The following PTPRR variants were observed in gnomAD, a reference collection of about 807,000 sequenced individuals.
PTPRR encodes the protein protein tyrosine phosphatase receptor type R.
Under a neutral mutation model 77.2 loss-of-function variants are expected in PTPRR, and 38 were observed. That is an observed-to-expected ratio of 0.49 (90% CI 0.38 to 0.65). The LOEUF is 0.65. Ranked by LOEUF, PTPRR falls within the 30% of genes least tolerant of loss-of-function variation. The probability of loss-of-function intolerance (pLI) is 0.00; values close to 1 mark genes in which losing one functional copy is unlikely to be tolerated. For missense variants in PTPRR, 744 were observed against 799.2 expected, an observed-to-expected ratio of 0.93 and a Z score of 0.83; for synonymous variants, 299 against 283.1, an observed-to-expected ratio of 1.06 and a Z score of -0.57.
chr12:70,642,736 C>T (rs1886052107), intron 13 of PTPRR, among the ~76,000 whole-genome samples: 1 of 152,124 alleles, frequency 6.6e-6, no homozygotes, highest in Non-Finnish European at 1.5e-5. Flanking sequence ...AAACTCTAGG[C>T]TAAAAGAAAG....
At chr12:70,897,330 A>G (rs1170386187) in intron 1 of PTPRR, among the ~76,000 whole-genome samples, 1 of 152,080 alleles carries the variant, frequency 6.6e-6, no homozygotes, top group Non-Finnish European at 1.5e-5. Flanking sequence ...CAACCCCATC[A>G]AAAAGGAGGC....
intron 1 of PTPRR, among the ~76,000 whole-genome samples, chr12:70,896,982 G>T (rs1592821606): frequency 6.6e-6 from 1 of 151,750 alleles, no homozygotes; most frequent in African/African-American, 2.4e-5. Flanking sequence ...TCTCTGTTTT[G>T]GTACCAGTAC....
At chr12:70,677,258 T>C (rs1186325020) in intron 10 of PTPRR, among the ~76,000 whole-genome samples, 2 of 152,200 alleles carry the variant, frequency 1.3e-5, no homozygotes, top group African/African-American at 2.4e-5. Flanking sequence ...GATTTTTGAA[T>C]GTTAAATCTG....
intron 10 of PTPRR, among the ~76,000 whole-genome samples, chr12:70,680,981 C>T (rs944451704): frequency 1.3e-5 from 2 of 151,756 alleles, no homozygotes; most frequent in Admixed American, 6.6e-5. Flanking sequence ...GGTTTCTCTG[C>T]TGATCAAGAT....
chr12:70,715,711 C>T (rs1315394737), intron 6 of PTPRR, among the ~76,000 whole-genome samples: 8 of 152,194 alleles, frequency 5.3e-5, no homozygotes, highest in African/African-American at 9.6e-5. Context: ...CTGCTCCGCC[C>T]GGCTCACTGG....
Position 70,892,804 on chromosome 12 carries a change from G to A in PTPRR, c.232C>T (p.His78Tyr). ...SSSEAQVSKRHQIVNSAFPRP... is the reference protein window; with the variant it reads ...SSSEAQVSKRYQIVNSAFPRP... ...GGAAATGCTGAATTGACAATCTGGT[G>A]GCGTTTGCTTACTTGAGCTTCGGAA... is the stretch of plus-strand genomic sequence containing the variant. The change falls in exon 2 of 14, where the codon CAC (histidine) becomes TAC (tyrosine). Residue 78 changes from histidine to tyrosine, a missense_variant. By Grantham distance (83) the His-to-Tyr change is moderately conservative (BLOSUM62 2). Coordinates refer to ENST00000283228, the MANE Select transcript of PTPRR (RefSeq NM_002849.4). The A allele has an allele frequency of 6.2e-7, 1 of 1,613,508 alleles. No individual in the cohort carries two copies. Among genetic ancestry groups the A allele is most frequent in the East Asian group, 2.2e-5 (1 of 44,864 alleles).
At chr12:70,735,480 G>C (rs1889830476) in intron 6 of PTPRR, among the ~76,000 whole-genome samples, 1 of 152,112 alleles carries the variant, frequency 6.6e-6, no homozygotes, top group Non-Finnish European at 1.5e-5. Flanking sequence ...AACAGCATGG[G>C]AAAAACCTGC....
At chr12:70,840,694 T>C (rs1892381481) in intron 2 of PTPRR, among the ~76,000 whole-genome samples, 1 of 152,128 alleles carries the variant, frequency 6.6e-6, no homozygotes, top group African/African-American at 2.4e-5. Context: ...AAGAAAGCCA[T>C]AGAACACATT....
intron 1 of PTPRR, among the ~76,000 whole-genome samples, chr12:70,898,050 C>T (rs1178663010): frequency 6.6e-6 from 1 of 151,366 alleles, no homozygotes; most frequent in Non-Finnish European, 1.5e-5. Flanking sequence ...ATACCTAATG[C>T]TAAATGACTA....
chr12:70,736,992 T>C (rs1356239277), intron 6 of PTPRR, among the ~76,000 whole-genome samples: 1 of 152,190 alleles, frequency 6.6e-6, no homozygotes, highest in African/African-American at 2.4e-5. Context: ...CCCCATCCTC[T>C]CCTGCCCCAC....
intron 5 of PTPRR, among the ~76,000 whole-genome samples, chr12:70,748,488 T>C (rs1253347336): frequency 6.6e-6 from 1 of 152,158 alleles, no homozygotes; most frequent in Non-Finnish European, 1.5e-5. Context: ...TTTGCCTTCA[T>C]CTCCAAGAGC....
At chr12:70,781,134 G>T (rs993256443) in intron 2 of PTPRR, among the ~76,000 whole-genome samples, 1 of 152,160 alleles carries the variant, frequency 6.6e-6, no homozygotes, top group Non-Finnish European at 1.5e-5. Flanking sequence ...CAGTTCCTAC[G>T]TCTTTTTCAG....
chr12:70,678,698 GTC>G (rs1312924967), intron 10 of PTPRR, among the ~76,000 whole-genome samples: 1 of 151,796 alleles, frequency 6.6e-6, no homozygotes, highest in Non-Finnish European at 1.5e-5. Context: ...TTGAGATGGA[GTC>G]TCTCTCTCTG....
chr12:70,838,440 C>A (rs1892341041), intron 2 of PTPRR, among the ~76,000 whole-genome samples: 1 of 152,148 alleles, frequency 6.6e-6, no homozygotes, highest in African/African-American at 2.4e-5. Context: ...CCTAATGCAT[C>A]TTGACAAAGG....
chr12:70,788,954 C>T, intron 2 of PTPRR: 13 of 1,344,052 alleles, frequency 9.7e-6, no homozygotes, highest in Middle Eastern at 1.9e-4. Flanking sequence ...CTCATTTAGT[C>T]ACCTGGAGGT....
At chr12:70,910,904 G>A (rs918066917) in intron 1 of PTPRR, among the ~76,000 whole-genome samples, 21 of 152,286 alleles carry the variant, frequency 1.4e-4, no homozygotes, top group African/African-American at 5.1e-4. Context: ...GAGAAGTGAA[G>A]CATCATGAAA....
intron 10 of PTPRR, among the ~76,000 whole-genome samples, chr12:70,663,080 T>C (rs137902395): frequency 2.6e-5 from 4 of 152,348 alleles, no homozygotes; most frequent in African/African-American, 4.8e-5. Flanking sequence ...ATATCTAATA[T>C]GTTAGGTGGC....
At chr12:70,684,018 T>C in intron 10 of PTPRR, 109 bp downstream of exon 10, 3 of 1,195,924 alleles carry the variant, frequency 2.5e-6, no homozygotes, top group Non-Finnish European at 3.5e-6. Context: ...CCTTTAAATG[T>C]CTCAGAGTTT....
At chr12:70,755,856 G>T (rs1312442759) in intron 4 of PTPRR, among the ~76,000 whole-genome samples, 2 of 152,082 alleles carry the variant, frequency 1.3e-5, no homozygotes, top group South Asian at 2.1e-4. Flanking sequence ...CAGCCATATC[G>T]TTTTTTTAAA....
Sources: gnomAD v4.1 joint callset for allele counts (sites outside exome capture counted in the v4.1 genomes callset) on GRCh38, gnomAD v4.1.1 for gene constraint, MANE v1.5 for transcripts, NCBI Gene and HGNC (gene_info 2026-07-23, HGNC 2026-07-21) for gene names.